SORCS2: variants seen among roughly 807,000 people sequenced by gnomAD.
SORCS2 encodes the protein VPS10 domain-containing receptor SorCS2.
SORCS2 carries 100 observed loss-of-function variants against 141.6 expected under a neutral mutation model. That is an observed-to-expected ratio of 0.71 (90% CI 0.60 to 0.83). The LOEUF is 0.83. Ranked by LOEUF, SORCS2 falls within the 40% of genes least tolerant of loss-of-function variation. The pLI is 0.00. For synonymous variants in SORCS2, 789 were observed against 676.9 expected (o/e 1.17, Z -2.57); for missense variants, 1,646 against 1,560.2 (o/e 1.05, Z -0.93).
intron 11 of SORCS2, among the ~76,000 whole-genome samples, chr4:7,695,915 GAT>G: frequency 7.2e-6 from 1 of 139,594 alleles, no homozygotes; most frequent in Non-Finnish European, 1.6e-5. Context: ...TGGATGGATG[GAT>G]GGATGGATTG....
intron 2 of SORCS2, among the ~76,000 whole-genome samples, chr4:7,515,236 C>G (rs758524877): frequency 2.0e-5 from 3 of 152,218 alleles, no homozygotes; most frequent in Non-Finnish European, 4.4e-5. Context: ...AGCTCAAGGT[C>G]ACACAGCTTG....
intron 3 of SORCS2, among the ~76,000 whole-genome samples, chr4:7,535,417 A>G (rs935563870): frequency 5.9e-5 from 9 of 152,190 alleles, no homozygotes; most frequent in Non-Finnish European, 1.3e-4. Context: ...TGGCTGGGGC[A>G]TAGGGGCCTG....
chr4:7,729,955 CA>C (rs1711540935), intron 23 of SORCS2, among the ~76,000 whole-genome samples: 1 of 152,132 alleles, frequency 6.6e-6, no homozygotes, highest in Non-Finnish European at 1.5e-5. Context: ...GACCACCTCC[CA>C]GGGGGCTCGC....
intron 12 of SORCS2, among the ~76,000 whole-genome samples, chr4:7,698,302 C>G (rs1467567489): frequency 6.6e-6 from 1 of 152,222 alleles, no homozygotes; most frequent in Admixed American, 6.5e-5. Flanking sequence ...CCGAGTACCC[C>G]AGCCACGGCC....
intron 2 of SORCS2, among the ~76,000 whole-genome samples, chr4:7,473,522 A>G (rs978796173): frequency 1.3e-5 from 2 of 152,186 alleles, no homozygotes; most frequent in African/African-American, 2.4e-5. Flanking sequence ...CAGAGGCAGG[A>G]TGCCCATGGA....
intron 1 of SORCS2, among the ~76,000 whole-genome samples, chr4:7,332,268 C>T (rs1258623968): frequency 6.6e-6 from 1 of 152,176 alleles, no homozygotes; most frequent in Non-Finnish European, 1.5e-5. Flanking sequence ...GATGGTTTGC[C>T]ACATGCAGGC....
chr4:7,276,223 T>C (rs559121408), intron 1 of SORCS2, among the ~76,000 whole-genome samples: 15 of 152,284 alleles, frequency 9.9e-5, no homozygotes, highest in African/African-American at 3.6e-4. Flanking sequence ...GGTCAGTGTG[T>C]GGATCATCCT....
chr4:7,737,687 G>A (rs1712304007), intron 26 of SORCS2, among the ~76,000 whole-genome samples: 1 of 152,206 alleles, frequency 6.6e-6, no homozygotes, highest in Non-Finnish European at 1.5e-5. Context: ...GCCCAGCAAG[G>A]AGAAGATCAG....
rs542205317 is a variant in SORCS2, at chr4:7,239,644, C to T, written c.480+46518C>T. ...GAGCTGGGGCTGGGCCCGGCTGGGT[C>T]GCTGGGCGAGTCTCGCACTTGGCCC... On this transcript the variant is annotated intron_variant, in intron 1 of 26. Coordinates refer to ENST00000507866, the MANE Select transcript of SORCS2 (RefSeq NM_020777.3). Among the ~76,000 whole-genome samples the T allele has an allele frequency of 8.1e-4, 123 of 152,284 alleles. 1 individual carries two copies. Among genetic ancestry groups the T allele is most frequent in the African/African-American group, 2.2e-3 (91 of 41,562 alleles).
Position 7,447,901 on chromosome 4 carries a change from C to G in SORCS2, c.548+51546C>G, listed in dbSNP as rs145251150. On this transcript the variant is annotated intron_variant, in intron 2 of 26. Transcript: ENST00000507866. The stretch of plus-strand genomic sequence containing the variant: ...CTGCAGATACGGCAGAGGTGTTTCT[C>G]CCCTCCCTCCGCCCCTAGATGTGGC... Among the ~76,000 whole-genome samples, 436 of 152,278 alleles carry G rather than the reference C, an allele frequency of 2.9e-3. 3 individuals carry two copies. The highest frequency in any genetic ancestry group is 9.9e-3 in the African/African-American group (412 of 41,572).
chr4:7,435,718 C>G (rs568293491), intron 2 of SORCS2, among the ~76,000 whole-genome samples: 1 of 152,368 alleles, frequency 6.6e-6, no homozygotes, highest in South Asian at 2.1e-4. Context: ...TTATCTTTTT[C>G]TTCTTCCTTA....
chr4:7,498,262 C>A (rs953597855), intron 2 of SORCS2, among the ~76,000 whole-genome samples: 1 of 152,194 alleles, frequency 6.6e-6, no homozygotes, highest in Non-Finnish European at 1.5e-5. Flanking sequence ...TCAAGAGGTT[C>A]TGTGGACATG....
intron 2 of SORCS2, among the ~76,000 whole-genome samples, chr4:7,448,612 T>G (rs138801682): frequency 1.4e-5 from 1 of 73,252 alleles, no homozygotes; most frequent in Admixed American, 1.7e-4. Context: ...ATCCCTTCCT[T>G]CCTTCCTTCC....
intron 2 of SORCS2, among the ~76,000 whole-genome samples, chr4:7,484,640 C>A (rs1055947783): frequency 2.6e-5 from 4 of 152,308 alleles, no homozygotes; most frequent in Non-Finnish European, 1.5e-5. Context: ...CCTTTCTAAC[C>A]TCCTCCGTTC....
chr4:7,440,948 A>G (rs1372297371), intron 2 of SORCS2, among the ~76,000 whole-genome samples: 2 of 152,170 alleles, frequency 1.3e-5, no homozygotes, highest in East Asian at 1.9e-4. Context: ...CAGACCATGA[A>G]TGAGTGAGCA....
At chr4:7,459,398 T>G (rs1420879171) in intron 2 of SORCS2, among the ~76,000 whole-genome samples, 3 of 152,116 alleles carry the variant, frequency 2.0e-5, no homozygotes, top group Non-Finnish European at 4.4e-5. Context: ...GCTGCAGGCT[T>G]GAGCCCAGCT....
intron 3 of SORCS2, among the ~76,000 whole-genome samples, chr4:7,591,747 C>A (rs1716927636): frequency 6.6e-6 from 1 of 152,190 alleles, no homozygotes; most frequent in African/African-American, 2.4e-5. Flanking sequence ...CTAAAGCGCC[C>A]CACGGCAGTG....
At chr4:7,655,892 C>T (rs1727081042) in intron 5 of SORCS2, among the ~76,000 whole-genome samples, 1 of 152,198 alleles carries the variant, frequency 6.6e-6, no homozygotes, top group Admixed American at 6.5e-5. Context: ...CGACCCACAG[C>T]GCCCAGAGGG....
intron 1 of SORCS2, among the ~76,000 whole-genome samples, chr4:7,205,641 C>T (rs1727689000): frequency 6.6e-6 from 1 of 152,166 alleles, no homozygotes; most frequent in African/African-American, 2.4e-5. Flanking sequence ...GGAGGAAATG[C>T]CTAATTTCAG....
Sources: allele counts gnomAD v4.1 joint callset (sites outside exome capture counted in the v4.1 genomes callset), GRCh38; gene constraint gnomAD v4.1.1; transcripts MANE v1.5; gene names NCBI Gene and HGNC (gene_info 2026-07-23, HGNC 2026-07-21).